Variants in TNS1 observed in about 807,000 individuals in gnomAD.
TNS1 encodes the protein tensin 1.
Under a neutral mutation model 168.6 loss-of-function variants are expected in TNS1, and 62 were observed. That is an observed-to-expected ratio of 0.37 (90% CI 0.30 to 0.45). The LOEUF (loss-of-function observed/expected upper bound fraction) is 0.45, where lower values mean the gene tolerates loss of function less well. Among genes scored for constraint, TNS1 ranks in the 20% least tolerant of loss-of-function variants. The probability of loss-of-function intolerance (pLI) is 1.00; values close to 1 mark genes in which losing one functional copy is unlikely to be tolerated. For synonymous variants in TNS1, 934 were observed against 933.2 expected, an observed-to-expected ratio of 1.00 and a Z score of -0.02; for missense variants, 2,240 against 2,339.4, an observed-to-expected ratio of 0.96 and a Z score of 0.88.
chr2:217,934,009 A>G (rs1956467380), intron 3 of TNS1, among the ~76,000 whole-genome samples: 1 of 152,228 alleles, frequency 6.6e-6, no homozygotes. Flanking sequence ...TACTTCATAC[A>G]GATTATCCCA....
At chr2:217,825,204 C>A (rs902318488) in intron 22 of TNS1, among the ~76,000 whole-genome samples, 1 of 152,194 alleles carries the variant, frequency 6.6e-6, no homozygotes, top group African/African-American at 2.4e-5. Flanking sequence ...ATCCAGACCC[C>A]CTTAGTCTCT....
chr2:217,809,145 GA>G (rs1939862399), intron 30 of TNS1, among the ~76,000 whole-genome samples: 1 of 152,120 alleles, frequency 6.6e-6, no homozygotes, highest in Admixed American at 6.5e-5. Context: ...GGTGGTAAGG[GA>G]TAGATGAGGG....
intron 3 of TNS1, among the ~76,000 whole-genome samples, chr2:217,949,126 G>C (rs1485284426): frequency 6.6e-6 from 1 of 152,170 alleles, no homozygotes; most frequent in Admixed American, 6.5e-5. Context: ...AAGGCCTCAG[G>C]TTCCAGCCCG....
At chr2:217,862,591 C>T (rs1044496316) in intron 18 of TNS1, among the ~76,000 whole-genome samples, 11 of 152,328 alleles carry the variant, frequency 7.2e-5, no homozygotes, top group Middle Eastern at 3.4e-3. Flanking sequence ...TCCTAGAATC[C>T]CCGCATGGTC....
chr2:217,991,171 C>A, intron 1 of TNS1, 115 bp from the exon 2 acceptor site: 1 of 468,988 alleles, frequency 2.1e-6, no homozygotes, highest in Non-Finnish European at 3.9e-6. Context: ...GGCAAGAGCC[C>A]CTCAGGGTCC....
At chr2:217,821,152 GC>G (rs1942787137) in intron 23 of TNS1, among the ~76,000 whole-genome samples, 1 of 152,140 alleles carries the variant, frequency 6.6e-6, no homozygotes, top group Non-Finnish European at 1.5e-5. Flanking sequence ...TGGGCTTTGG[GC>G]CCATCTGACT....
chr2:217,898,917 T>C (rs1406506942), intron 7 of TNS1, among the ~76,000 whole-genome samples: 1 of 152,138 alleles, frequency 6.6e-6, no homozygotes, highest in African/African-American at 2.4e-5. Context: ...CCCCCATCCC[T>C]CCAGCTTTTT....
At chr2:217,818,881 C>T (rs1213874103) in intron 23 of TNS1, 122 bp from the exon 24 acceptor site, 4 of 755,280 alleles carry the variant, frequency 5.3e-6, no homozygotes, top group Admixed American at 2.7e-5. Context: ...ACTGGCAGTG[C>T]GGAAGGACAT....
At chr2:217,909,831 C>T (rs1954156366) in intron 4 of TNS1, among the ~76,000 whole-genome samples, 1 of 152,210 alleles carries the variant, frequency 6.6e-6, no homozygotes. Flanking sequence ...CTAATTCTCT[C>T]GGCTGCTACC....
chr2:217,811,706 C>T (rs1559146215), intron 28 of TNS1, among the ~76,000 whole-genome samples: 1 of 152,150 alleles, frequency 6.6e-6, no homozygotes, highest in South Asian at 2.1e-4. Context: ...TAGGTGCCCA[C>T]CTGCCACGCT....
chr2:217,942,225 G>T (rs983511491), intron 3 of TNS1, among the ~76,000 whole-genome samples: 1 of 152,102 alleles, frequency 6.6e-6, no homozygotes, highest in African/African-American at 2.4e-5. Flanking sequence ...CTCCTCCACC[G>T]CCAAGAACCC....
At chr2:217,890,347 G>A (rs1289328293) in intron 12 of TNS1, 2 of 152,524 alleles carry the variant, frequency 1.3e-5, no homozygotes, top group African/African-American at 2.4e-5. Context: ...TCTCTCATTA[G>A]GTATCAGCTC....
chr2:217,906,101 C>T lies in TNS1; in HGVS notation c.321+234G>A, dbSNP rs964932313. On this transcript the variant is annotated intron_variant, in intron 6 of 32. Transcript: ENST00000682258. ...CTCTCCTCCCACCCGCCCTGAGCACCGAGGCCTGGCGCAGTCGCTGATGAA... is the reference window on the plus strand; with the variant it reads ...CTCTCCTCCCACCCGCCCTGAGCACTGAGGCCTGGCGCAGTCGCTGATGAA... Among the ~76,000 whole-genome samples, 8 of 152,212 alleles carry T rather than the reference C, an allele frequency of 5.3e-5. No homozygotes were observed. The East Asian group carries it at 5.8e-4, about 11-fold the overall frequency.
chr2:217,849,033 T>C lies in TNS1; in HGVS notation c.1484A>G (p.Lys495Arg), dbSNP rs748510963. Residue 495 changes from lysine to arginine, a missense_variant, in exon 19 of 33, where the codon AAG becomes AGG. Around this residue, in one of 2 missense-constraint regions of TNS1, gnomAD observed 2,131 missense variants for 2,171.2 expected, o/e 0.98. Coordinates refer to ENST00000682258, the MANE Select transcript of TNS1 (RefSeq NM_001387777.1). ...GCTGCCGTGCAGGGAGTCTTTCTTC[T>C]TCACCTTAGCATACAGGCTCCCATC... ...PLDGSLYAKV[K>R]KKDSLHGSTG... 1.3e-4 allele frequency: 206 copies of C among 1,613,730 alleles called. 1 individual carries two copies. The highest frequency in any genetic ancestry group is 1.7e-4 in the Non-Finnish European group (205 of 1,179,948).
At chr2:217,906,264 C>CAA in intron 6 of TNS1, 71 bp downstream of exon 6, 4 of 666,106 alleles carry the variant, frequency 6.0e-6, no homozygotes, top group East Asian at 2.8e-5. Flanking sequence ...CATTATCCAC[C>CAA]TCCCACCCCA....
chr2:217,899,669 G>C (rs972375689), intron 7 of TNS1, among the ~76,000 whole-genome samples: 1 of 152,238 alleles, frequency 6.6e-6, no homozygotes, highest in African/African-American at 2.4e-5. Flanking sequence ...CTGGGGCACT[G>C]ACCCGCCCCT....
chr2:217,903,570 C>T (rs1387998588), intron 6 of TNS1: 2 of 1,533,618 alleles, frequency 1.3e-6, no homozygotes, highest in Non-Finnish European at 1.7e-6. Flanking sequence ...ATCCAACTCT[C>T]TAAACACCAA....
intron 12 of TNS1, among the ~76,000 whole-genome samples, chr2:217,889,976 G>A (rs903652398): frequency 6.6e-5 from 10 of 152,318 alleles, no homozygotes; most frequent in East Asian, 1.9e-4. Context: ...TGTCACCCAC[G>A]GAGCAGGATC....
chr2:217,830,374 G>A, intron 22 of TNS1: 2 of 1,614,158 alleles, frequency 1.2e-6, no homozygotes, highest in Non-Finnish European at 1.7e-6. Flanking sequence ...TACCTGGCTG[G>A]ATCCGTCTTC....
Sources: allele counts gnomAD v4.1 joint callset (sites outside exome capture counted in the v4.1 genomes callset), GRCh38; gene constraint gnomAD v4.1.1; regional missense constraint gnomAD v4.1.1; transcripts MANE v1.5; gene names NCBI Gene and HGNC (gene_info 2026-07-23, HGNC 2026-07-21).